The following ADGRG6 variants were observed in gnomAD, a reference collection of about 807,000 sequenced individuals.
The protein encoded by ADGRG6 is adhesion G protein-coupled receptor G6.
A neutral mutation model predicts 142.4 loss-of-function variants in ADGRG6; 84 were observed. The observed-to-expected ratio is 0.59, with a 90% CI of 0.49 to 0.71. ADGRG6 has a LOEUF of 0.71. ADGRG6 is among the 30% of genes least tolerant of loss of function. The pLI is 0.00. For synonymous variants in ADGRG6, 521 were observed against 520.5 expected (o/e 1.00, Z -0.01); for missense variants, 1,367 against 1,466.6 (o/e 0.93, Z 1.11).
intron 20 of ADGRG6, 86 bp from the exon 21 acceptor site, chr6:142,417,187 T>A: frequency 1.3e-6 from 1 of 775,542 alleles, no homozygotes. Context: ...CTTCTTTTCA[T>A]TTCTTTTCTT....
chr6:142,344,526 C>T (rs1045630051), intron 2 of ADGRG6, among the ~76,000 whole-genome samples: 1 of 152,020 alleles, frequency 6.6e-6, no homozygotes, highest in African/African-American at 2.4e-5. Flanking sequence ...TTAAAGGCTT[C>T]TGATTTCTAG....
rs1320671057 is a variant in ADGRG6 at position 142,370,736 on chromosome 6, A to C, written c.1012A>C (p.Asn338His). 6 of 1,613,874 alleles carry C rather than the reference A, an allele frequency of 3.7e-6. No individual in the cohort carries two copies. In the East Asian group the frequency reaches 1.1e-4, roughly 30 times the overall value. Residue 338 changes from asparagine to histidine, a missense_variant, in exon 4 of 25, where the codon AAT becomes CAT. Transcript: ENST00000367609. ...NVKGNVVDWQ[N>H]DFWNIPNLAL... ...GAAAGGGAATGTAGTCGACTGGCAA[A>C]ATGACTTCTGGAATATCCCAAACCT...
chr6:142,393,234 C>T (rs1016240201), intron 8 of ADGRG6, among the ~76,000 whole-genome samples: 2 of 151,922 alleles, frequency 1.3e-5, no homozygotes, highest in Non-Finnish European at 2.9e-5. Flanking sequence ...TGTTTTAAAT[C>T]ATGTTATAAT....
At chr6:142,389,776 G>A (rs777244004) in intron 6 of ADGRG6, among the ~76,000 whole-genome samples, 56 of 151,788 alleles carry the variant, frequency 3.7e-4, no homozygotes, top group Non-Finnish European at 3.0e-4. Flanking sequence ...GAGAGGAAAA[G>A]GAGAGGAATT....
intron 22 of ADGRG6, among the ~76,000 whole-genome samples, chr6:142,429,413 T>C (rs1202573365): frequency 5.7e-5 from 2 of 35,186 alleles, no homozygotes; most frequent in Non-Finnish European, 9.1e-5. Flanking sequence ...TCAGCTTGGC[T>C]GAGACATTAC....
At chr6:142,438,453 C>T (rs1777593312) in intron 24 of ADGRG6, 89 bp downstream of exon 24, 1 of 710,976 alleles carries the variant, frequency 1.4e-6, no homozygotes, top group East Asian at 2.9e-5. Flanking sequence ...ATCACAGTGC[C>T]TAAGAGGGTG....
chr6:142,421,770 A>G (rs1285219776), intron 22 of ADGRG6, among the ~76,000 whole-genome samples: 1 of 152,204 alleles, frequency 6.6e-6, no homozygotes, highest in Non-Finnish European at 1.5e-5. Context: ...GTTGTAAACC[A>G]TCATCAACTC....
At chr6:142,390,158 A>G in intron 6 of ADGRG6, 100 bp from the exon 7 acceptor site, 1 of 461,108 alleles carries the variant, frequency 2.2e-6, no homozygotes, top group Middle Eastern at 5.1e-4. Context: ...ATAAAACTAT[A>G]TGATTATGTA....
chr6:142,425,160 G>C (rs146984391), intron 22 of ADGRG6, among the ~76,000 whole-genome samples: 1 of 152,166 alleles, frequency 6.6e-6, no homozygotes, highest in Non-Finnish European at 1.5e-5. Flanking sequence ...AAACACAATA[G>C]GAAGTCTTTG....
chr6:142,339,792 A>G (rs567808986), intron 2 of ADGRG6, among the ~76,000 whole-genome samples: 3 of 152,286 alleles, frequency 2.0e-5, no homozygotes, highest in African/African-American at 7.2e-5. Flanking sequence ...TTTTTACTTA[A>G]TGGCAGATAA....
At position 142,367,879 on chromosome 6, in the gene ADGRG6, G is replaced by T. The variant is rs1449438726; in HGVS notation, c.414G>T (p.Gln138His). Residue 138 changes from glutamine to histidine, a missense_variant, in exon 3 of 25, where the codon CAG becomes CAT. Physicochemically the swap from Gln to His is conservative, Grantham distance 24. This residue lies in a region of ADGRG6 where 737 missense variants were observed against 746.5 expected (regional missense o/e 0.99). Transcript: ENST00000367609. The stretch of plus-strand genomic sequence containing the variant: ...CCTTTTCAAGTGACTTTAGCATCCA[G>T]AAGAAAGGTTTCAATGCCAGCTACA... ...HVSFSSDFSI[Q>H]KKGFNASYIR... 1 of 1,610,482 alleles carries T rather than the reference G, an allele frequency of 6.2e-7. No homozygotes were observed. Among genetic ancestry groups the T allele is most frequent in the Non-Finnish European group, 8.5e-7 (1 of 1,179,260 alleles).
chr6:142,306,893 T>C (rs186190239), intron 1 of ADGRG6, among the ~76,000 whole-genome samples: 47 of 152,288 alleles, frequency 3.1e-4, no homozygotes, highest in African/African-American at 1.1e-3. Flanking sequence ...TGGATGAAAG[T>C]TGGCCTGTCC....
intron 2 of ADGRG6, among the ~76,000 whole-genome samples, chr6:142,355,380 C>CCTATTATTA (rs2114795534): frequency 6.6e-6 from 1 of 152,154 alleles, no homozygotes; most frequent in Non-Finnish European, 1.5e-5. Context: ...TTCAAAATGA[C>CCTATTATTA]TTTCCATAGA....
At chr6:142,378,899 GCTGTTTTTAC>G (rs1470895867) in intron 4 of ADGRG6, among the ~76,000 whole-genome samples, 3 of 152,144 alleles carry the variant, frequency 2.0e-5, no homozygotes, top group Admixed American at 6.6e-5. Context: ...CTCTGTAAAA[GCTGTTTTTAC>G]CTTTTTAAGT....
intron 6 of ADGRG6, among the ~76,000 whole-genome samples, chr6:142,385,790 A>G (rs543572546): frequency 6.6e-6 from 1 of 152,276 alleles, no homozygotes; most frequent in South Asian, 2.1e-4. Context: ...AATTGAAAAG[A>G]GAATTACTTT....
At chr6:142,319,296 A>G (rs1037791954) in intron 2 of ADGRG6, among the ~76,000 whole-genome samples, 1 of 152,118 alleles carries the variant, frequency 6.6e-6, no homozygotes, top group Non-Finnish European at 1.5e-5. Context: ...CTTTATAACT[A>G]TCGCCTTTGA....
intron 1 of ADGRG6, among the ~76,000 whole-genome samples, chr6:142,306,078 CAG>C (rs1737015115): frequency 6.6e-6 from 1 of 152,108 alleles, no homozygotes; most frequent in Non-Finnish European, 1.5e-5. Context: ...GCCATAGAAA[CAG>C]AGTTGGGATA....
At chr6:142,315,197 C>T (rs999296404) in intron 2 of ADGRG6, among the ~76,000 whole-genome samples, 3 of 152,044 alleles carry the variant, frequency 2.0e-5, no homozygotes, top group African/African-American at 2.4e-5. Context: ...CTGAGACTTT[C>T]GCAGACACAA....
chr6:142,349,557 G>C (rs899288412), intron 2 of ADGRG6, among the ~76,000 whole-genome samples: 1 of 152,226 alleles, frequency 6.6e-6, no homozygotes, highest in South Asian at 2.1e-4. Context: ...ACAGGGTACT[G>C]TCACTGGCTG....
Sources: gnomAD v4.1 joint callset for allele counts (sites outside exome capture counted in the v4.1 genomes callset) on GRCh38, gnomAD v4.1.1 for gene constraint, gnomAD v4.1.1 regional missense constraint, MANE v1.5 for transcripts, NCBI Gene and HGNC (gene_info 2026-07-23, HGNC 2026-07-21) for gene names.